Variants in CDC7 observed in about 807,000 individuals in gnomAD.
The protein encoded by CDC7 is cell division cycle 7, also known as cell division cycle 7-related protein kinase.
A neutral mutation model predicts 53.5 loss-of-function variants in CDC7; 34 were observed. That is an observed-to-expected ratio of 0.64 (90% CI 0.48 to 0.85). The LOEUF is 0.85. CDC7 is among the 40% of genes least tolerant of loss of function. CDC7 has a pLI of 0.00. For missense variants in CDC7, 594 were observed against 679.7 expected (o/e 0.87, Z 1.40); for synonymous variants, 211 against 222.8 (o/e 0.95, Z 0.47).
At chr1:91,523,733 G>A (rs1668111071) in intron 11 of CDC7, among the ~76,000 whole-genome samples, 1 of 152,176 alleles carries the variant, frequency 6.6e-6, no homozygotes, top group Non-Finnish European at 1.5e-5. Flanking sequence ...GCTAGTTAAA[G>A]ATTATAGAAG....
In CDC7 at chr1:91,524,474, A is replaced by G. The variant is rs1172999267; in HGVS notation, c.*39A>G. ...TTTAATGTTTACTGTTATGAGGTAG[A>G]ATAAAAAAGAATACTTTGTAATAGC... On this transcript the variant is annotated 3_prime_UTR_variant, in exon 12 of 12. Transcript: ENST00000234626. 8 of 1,442,654 alleles carry G rather than the reference A, an allele frequency of 5.5e-6. No individual in the cohort carries two copies. The African/African-American group carries it at 1.1e-4, about 20-fold the overall frequency. The allele number at this position is 1,442,654 out of a possible 1,614,324, so 89.4% of individuals were successfully genotyped here.
intron 11 of CDC7, among the ~76,000 whole-genome samples, chr1:91,523,512 G>A (rs552272110): frequency 6.6e-6 from 1 of 152,138 alleles, no homozygotes; most frequent in African/African-American, 2.4e-5. Flanking sequence ...AAAAGTAATA[G>A]TAGAACTCTC....
At chr1:91,523,431 A>G (rs1668083753) in intron 11 of CDC7, among the ~76,000 whole-genome samples, 1 of 152,210 alleles carries the variant, frequency 6.6e-6, no homozygotes, top group Non-Finnish European at 1.5e-5. Flanking sequence ...GGGGGGTTCA[A>G]AGATAAATAA....
At chr1:91,505,806 G>A (rs1666954843) in intron 2 of CDC7, among the ~76,000 whole-genome samples, 1 of 152,152 alleles carries the variant, frequency 6.6e-6, no homozygotes, top group Non-Finnish European at 1.5e-5. Context: ...TGAAGTGACA[G>A]GAAACCTTAA....
At chr1:91,523,564 G>T (rs1668096906) in intron 11 of CDC7, among the ~76,000 whole-genome samples, 2 of 152,144 alleles carry the variant, frequency 1.3e-5, no homozygotes, top group Non-Finnish European at 2.9e-5. Context: ...CTCTCTGAGG[G>T]TGTCAAGCCT....
intron 10 of CDC7, among the ~76,000 whole-genome samples, chr1:91,519,817 C>G (rs933827365): frequency 2.0e-5 from 3 of 152,110 alleles, no homozygotes; most frequent in Non-Finnish European, 4.4e-5. Flanking sequence ...ATAAAATGTG[C>G]GTTTACTTAG....
At chr1:91,508,924 G>C (rs1213029158) in intron 4 of CDC7, among the ~76,000 whole-genome samples, 1 of 152,032 alleles carries the variant, frequency 6.6e-6, no homozygotes, top group African/African-American at 2.4e-5. Context: ...TGCATACATT[G>C]TTTTCATTCC....
intron 4 of CDC7, among the ~76,000 whole-genome samples, chr1:91,510,739 T>G (rs1023145135): frequency 2.0e-5 from 3 of 152,196 alleles, no homozygotes; most frequent in Admixed American, 2.0e-4. Context: ...TTCCATTGTG[T>G]TATATTTTCC....
rs1666697693 is a variant in CDC7 at position 91,501,747 on chromosome 1, GAGCCAAT to G, written c.32_38del (p.Glu11GlyfsTer16). ...GGCGTCTTTGGGGATTCAGATGGAT[GAGCCAAT>G]GGCTTTTTCTCCCCAGCGTGACCGG... On this transcript the variant is annotated frameshift_variant, in exon 2 of 12. Coordinates refer to ENST00000234626, the MANE Select transcript of CDC7 (RefSeq NM_003503.4). LOFTEE classifies it high-confidence loss of function. The G allele has an allele frequency of 5.0e-6, 8 of 1,613,934 alleles. No homozygotes were observed. The South Asian group carries it at 8.8e-5, about 18-fold the overall frequency.
At chr1:91,508,029 T>C in intron 3 of CDC7, 92 bp downstream of exon 3, 3 of 1,080,052 alleles carry the variant, frequency 2.8e-6, no homozygotes, top group South Asian at 1.7e-5. Context: ...CTATTTCTTA[T>C]TGAAAAATAT....
intron 2 of CDC7, among the ~76,000 whole-genome samples, chr1:91,506,786 C>CTA (rs1206628301): frequency 6.6e-6 from 1 of 152,044 alleles, no homozygotes; most frequent in East Asian, 1.9e-4. Context: ...CCCGTCTCTA[C>CTA]TAAAAACACA....
rs1667944204 is a variant in CDC7 at position 91,521,487 on chromosome 1, C to G, written c.1330+1208C>G. On this transcript the variant is annotated intron_variant, in intron 11 of 11. Coordinates refer to ENST00000234626, the MANE Select transcript of CDC7 (RefSeq NM_003503.4). ...AGTAAAGTCAGTCCACGATTTGTAA[C>G]TATCTTGTACTTATTGTAAGAAAAT... is the stretch of plus-strand genomic sequence containing the variant. 2.0e-5 allele frequency among the ~76,000 whole-genome samples: 3 copies of G among 152,258 alleles called. No homozygotes were observed. The South Asian group carries it at 6.2e-4, about 32-fold the overall frequency.
In CDC7 at chr1:91,501,765, C is replaced by T. The variant is rs1557583212; in HGVS notation, c.49C>T (p.Pro17Ser). The part of the protein sequence containing the change: ...IQMDEPMAFS[P>S]QRDRFQAEGS... ...GATGGATGAGCCAATGGCTTTTTCT[C>T]CCCAGCGTGACCGGTTTCAGGCTGA... Residue 17 changes from proline (P) to serine (S), a missense_variant, in exon 2 of 12, where the codon CCC (proline) becomes TCC (serine). By Grantham distance (74) the Pro-to-Ser change is moderately conservative. Transcript: ENST00000234626. 7 of 1,613,952 alleles carry T rather than the reference C, an allele frequency of 4.3e-6. No homozygotes were observed. The highest frequency in any genetic ancestry group is 4.0e-5 in the African/African-American group (3 of 74,884).
intron 2 of CDC7, among the ~76,000 whole-genome samples, chr1:91,502,643 T>G (rs151002961): frequency 6.6e-6 from 1 of 152,242 alleles, no homozygotes; most frequent in Non-Finnish European, 1.5e-5. Context: ...CTTGAAACTT[T>G]AATCTTCAGC....
Position 91,515,876 on chromosome 1 carries a change from G to A in CDC7, c.1180G>A (p.Ala394Thr). ...GACAAAGTGCCCCAATCAAACTACA[G>A]GTATGTTGTACTGGAAATACAGAAC... is the stretch of plus-strand genomic sequence containing the variant. ...VLTKCPNQTT[A>T]IDMWSAGVIF... is the part of the protein sequence containing the mutation. The change falls in exon 10 of 12, where the codon GCA becomes ACA. Residue 394 changes from alanine to threonine, a missense_variant and splice_region_variant. By Grantham distance (58) the Ala-to-Thr change is moderately conservative. Transcript: ENST00000234626. The A allele has an allele frequency of 6.2e-7, 1 of 1,611,200 alleles. No individual in the cohort carries two copies. The highest frequency in any genetic ancestry group is 8.5e-7 in the Non-Finnish European group (1 of 1,177,574).
intron 10 of CDC7, among the ~76,000 whole-genome samples, chr1:91,519,301 T>C (rs886793455): frequency 1.4e-5 from 2 of 140,224 alleles, no homozygotes; most frequent in Admixed American, 1.4e-4. Flanking sequence ...CATGGTGACA[T>C]GCCTGTAATC....
At chr1:91,501,927 T>C (rs13447461) in intron 2 of CDC7, 96 bp downstream of exon 2, 7 of 887,688 alleles carry the variant, frequency 7.9e-6, no homozygotes, top group South Asian at 4.3e-5. Context: ...TTGAATCTTA[T>C]AAAGTGAATT....
intron 1 of CDC7, chr1:91,501,341 C>G (rs548027679): frequency 4.6e-6 from 1 of 216,632 alleles, no homozygotes; most frequent in African/African-American, 2.3e-5. Context: ...TTCAAACCGC[C>G]CCCGGCGCTC....
At position 91,524,633 on chromosome 1, in the gene CDC7, T is replaced by C. The variant is rs1332018804; in HGVS notation, c.*198T>C. ...ATAGTTCTTGGGACTAACAACATGA[T>C]CTTCTTTGAGTTAAACCTACCTAAG... On this transcript the variant is annotated 3_prime_UTR_variant, in exon 12 of 12. Transcript: ENST00000234626. The C allele has an allele frequency of 1.9e-6, 1 of 519,022 alleles. No homozygotes were observed. The highest frequency in any genetic ancestry group is 1.9e-5 in the African/African-American group (1 of 51,610). The allele number at this position is 519,022 out of a possible 1,614,324, so 32.2% of individuals were successfully genotyped here. A position where few individuals can be genotyped will look rare whatever the true frequency, so the allele number is the denominator to read the frequency against.
Sources: gnomAD v4.1 joint callset for allele counts (sites outside exome capture counted in the v4.1 genomes callset) on GRCh38, gnomAD v4.1.1 for gene constraint, MANE v1.5 for transcripts, NCBI Gene and HGNC (gene_info 2026-07-23, HGNC 2026-07-21) for gene names.